Variants in ZNF541 observed in about 807,000 individuals in gnomAD.
ZNF541 encodes zinc finger protein 541.
Under a neutral mutation model 123.5 loss-of-function variants are expected in ZNF541, and 23 were observed. The observed-to-expected ratio is 0.19, with a 90% CI of 0.13 to 0.26. The LOEUF (loss-of-function observed/expected upper bound fraction) is 0.26. Among genes scored for constraint, ZNF541 ranks in the 10% least tolerant of loss-of-function variants. The pLI is 1.00. For synonymous variants in ZNF541, 751 were observed against 754.5 expected (o/e 1.00, Z 0.08); for missense variants, 1,612 against 1,789.9 (o/e 0.90, Z 1.79).
intron 2 of ZNF541, among the ~76,000 whole-genome samples, chr19:47,569,198 T>C (rs1971382642): frequency 6.6e-6 from 1 of 152,040 alleles, no homozygotes; most frequent in African/African-American, 2.4e-5. Context: ...TGGTCTCCAG[T>C]TTTCCCAGCC....
Position 47,521,433 on chromosome 19 carries a change from C to T in ZNF541, c.3887+46G>A, listed in dbSNP as rs1203863635. ...AGCAGGGAGGAAGGGATCACAGGGG[C>T]TGAGGCTGGGAGCCCTGGGAGTGTT... On this transcript the variant is annotated intron_variant, in intron 16 of 16. Transcript: ENST00000391901. The surrounding 1 kb of genome is among the most constrained non-coding windows in gnomAD (Gnocchi z 4.2). The T allele has an allele frequency of 2.6e-6, 4 of 1,550,434 alleles. No individual in the cohort carries two copies. The highest frequency in any genetic ancestry group is 3.5e-6 in the Non-Finnish European group (4 of 1,146,016).
chr19:47,554,860 G>A (rs1173912154), intron 3 of ZNF541, among the ~76,000 whole-genome samples: 2 of 152,158 alleles, frequency 1.3e-5, no homozygotes. Flanking sequence ...TTGGGAGGCG[G>A]AGGTGGGAGG....
Position 47,545,578 on chromosome 19 carries a change from G to A in ZNF541, c.951C>T (p.Ser317=), listed in dbSNP as rs1392340471. 1 of 1,547,490 alleles carries A rather than the reference G, an allele frequency of 6.5e-7. No individual in the cohort carries two copies. The highest frequency in any genetic ancestry group is 2.0e-5 in the Admixed American group (1 of 50,732). ...CPCPASSGSS[S]CTPAGPHAAP... is the part of the protein sequence containing the mutation. Reference sequence around the variant, plus strand: ...CCGCGTGGGGGCCGGCTGGGGTGCAGGACGAGGACCCCGATGAGGCGGGGC... The same window carrying A: ...CCGCGTGGGGGCCGGCTGGGGTGCAAGACGAGGACCCCGATGAGGCGGGGC... The change falls in exon 5 of 17, where the codon TCC becomes TCT. Residue 317 remains serine (S), a synonymous_variant. Coordinates refer to ENST00000391901, the MANE Select transcript of ZNF541 (RefSeq NM_001277075.3). The surrounding 1 kb of genome is among the most constrained non-coding windows in gnomAD (Gnocchi z 7.5).
rs1210088052 is a variant in ZNF541 at position 47,529,638 on chromosome 19, A to G, written c.3420T>C (p.Thr1140=). Residue 1140 remains threonine (T), a synonymous_variant, in exon 13 of 17, where the codon ACT becomes ACC. Coordinates refer to ENST00000391901, the MANE Select transcript of ZNF541 (RefSeq NM_001277075.3). ...GCTTGTGGGGCCCTCGGAGCAGAAG[A>G]GTCTCCAGGGCGACCTGGAACAAGA... ...AQGNVQVALE[T]LLLRGPHKPR... The G allele has an allele frequency of 1.3e-6, 2 of 1,551,552 alleles. No individual in the cohort carries two copies. Among genetic ancestry groups the G allele is most frequent in the African/African-American group, 1.4e-5 (1 of 73,034 alleles).
chr19:47,532,068 AC>A (rs1219365477), intron 11 of ZNF541, 59 bp downstream of exon 11: 2 of 1,539,570 alleles, frequency 1.3e-6, no homozygotes, highest in African/African-American at 2.8e-5. Flanking sequence ...GAGGAAAAAC[AC>A]CCTGGAAATG....
rs1000916079 is a variant in ZNF541, at chr19:47,529,297, A to T, written c.3482-259T>A. Among the ~76,000 whole-genome samples the T allele has an allele frequency of 4.6e-5, 7 of 152,334 alleles. No homozygotes were observed. The East Asian group carries it at 1.3e-3, about 29-fold the overall frequency. On this transcript the variant is annotated intron_variant, in intron 13 of 16. Transcript: ENST00000391901. ...TCCTGTTTCCAGAGCTGATGGGTTC[A>T]ACCACTGAACCTAAGCCCATCTTCC...
intron 5 of ZNF541, among the ~76,000 whole-genome samples, chr19:47,541,476 T>G (rs1025313569): frequency 2.0e-5 from 3 of 151,984 alleles, no homozygotes; most frequent in Non-Finnish European, 2.9e-5. Context: ...ATAAATAAAG[T>G]GAAAAGACAG....
At chr19:47,534,543 C>T (rs140258027) in intron 9 of ZNF541, among the ~76,000 whole-genome samples, 14 of 151,512 alleles carry the variant, frequency 9.2e-5, no homozygotes, top group African/African-American at 3.1e-4. Flanking sequence ...CCCAGCTACT[C>T]GGGAGGCTGA....
At chr19:47,529,068 G>C in intron 13 of ZNF541, 30 bp from the exon 14 acceptor site, 1 of 1,512,296 alleles carries the variant, frequency 6.6e-7, no homozygotes, top group African/African-American at 1.4e-5. Context: ...ACAGGGGGAA[G>C]GCCATTTGTC....
At chr19:47,537,123 GCTT>G (rs1337029369) in intron 9 of ZNF541, among the ~76,000 whole-genome samples, 1 of 152,188 alleles carries the variant, frequency 6.6e-6, no homozygotes, top group African/African-American at 2.4e-5. Context: ...ATGAGCTCTG[GCTT>G]CTTCTGGGGA....
At chr19:47,563,345 C>T (rs943864664) in intron 2 of ZNF541, among the ~76,000 whole-genome samples, 1 of 152,118 alleles carries the variant, frequency 6.6e-6, no homozygotes, top group South Asian at 2.1e-4. Flanking sequence ...GACCACTCAG[C>T]GTACGTGAAA....
intron 3 of ZNF541, among the ~76,000 whole-genome samples, chr19:47,552,742 C>CAAAAAAAAAAAAA (rs573248609): frequency 3.8e-5 from 1 of 26,130 alleles, no homozygotes; most frequent in African/African-American, 1.1e-4. Flanking sequence ...GACTCCATCT[C>CAAAAAAAAAAAAA]AAAAAAAAAA....
At chr19:47,570,759 T>C (rs957205340) in intron 2 of ZNF541, among the ~76,000 whole-genome samples, 1 of 151,532 alleles carries the variant, frequency 6.6e-6, no homozygotes, top group Non-Finnish European at 1.5e-5. Flanking sequence ...CCTTCAATAA[T>C]TTTTAAGTGC....
chr19:47,527,322 A>C (rs1969344170), intron 14 of ZNF541, among the ~76,000 whole-genome samples: 1 of 152,130 alleles, frequency 6.6e-6, no homozygotes, highest in Non-Finnish European at 1.5e-5. Flanking sequence ...ATTATGTGCA[A>C]TTTTGTATAC....
chr19:47,554,834 C>T (rs1366830547), intron 3 of ZNF541, among the ~76,000 whole-genome samples: 1 of 152,200 alleles, frequency 6.6e-6, no homozygotes, highest in Non-Finnish European at 1.5e-5. Flanking sequence ...TGGCTCACGC[C>T]TGCAATCCCA....
At chr19:47,529,205 G>A (rs531813215) in intron 13 of ZNF541, among the ~76,000 whole-genome samples, 167 bp from the exon 14 acceptor site, 2 of 152,106 alleles carry the variant, frequency 1.3e-5, no homozygotes, top group Admixed American at 6.6e-5. Flanking sequence ...ACCACTACTA[G>A]CCCCACTTAA....
intron 9 of ZNF541, among the ~76,000 whole-genome samples, chr19:47,534,878 G>T (rs1236838537): frequency 6.6e-6 from 1 of 151,908 alleles, no homozygotes; most frequent in African/African-American, 2.4e-5. Context: ...ATATACACAT[G>T]CAAAAAAATG....
chr19:47,537,259 T>C (rs73940884), intron 9 of ZNF541, among the ~76,000 whole-genome samples: 4,575 of 152,160 alleles, frequency 0.03, 196 homozygotes, highest in African/African-American at 0.1. Context: ...TCAATAAATC[T>C]GTTAGGAAAA....
intron 2 of ZNF541, among the ~76,000 whole-genome samples, chr19:47,564,996 ATT>A (rs1971207593): frequency 6.6e-6 from 1 of 152,226 alleles, no homozygotes; most frequent in African/African-American, 2.4e-5. Flanking sequence ...AAATAATGGC[ATT>A]CACAGCAACC....
Sources: gnomAD v4.1 joint callset for allele counts (sites outside exome capture counted in the v4.1 genomes callset) on GRCh38, gnomAD v4.1.1 for gene constraint, Gnocchi (gnomAD v3.1) non-coding constraint, MANE v1.5 for transcripts, NCBI Gene and HGNC (gene_info 2026-07-23, HGNC 2026-07-21) for gene names.